Variants in NUS1 observed in about 807,000 individuals in gnomAD.
NUS1 encodes NUS1 dehydrodolichyl diphosphate synthase subunit.
For missense variants in NUS1, 292 were observed against 382.9 expected (o/e 0.76, Z 1.98); for synonymous variants, 135 against 155.2 (o/e 0.87, Z 0.97).
At chr6:117,676,678 A>C (rs1772987771) in intron 1 of NUS1, among the ~76,000 whole-genome samples, 1 of 152,266 alleles carries the variant, frequency 6.6e-6, no homozygotes, top group Non-Finnish European at 1.5e-5. Context: ...CCAAGGTTTA[A>C]AAACATTAAC....
chr6:117,682,241 A>G (rs1773071532), intron 1 of NUS1, among the ~76,000 whole-genome samples: 1 of 152,102 alleles, frequency 6.6e-6, no homozygotes, highest in Admixed American at 6.5e-5. Flanking sequence ...GCTTTTGTTA[A>G]CTTTTTAAAT....
At chr6:117,688,615 T>C (rs76622876) in intron 1 of NUS1, among the ~76,000 whole-genome samples, 9,779 of 152,246 alleles carry the variant, frequency 0.064, 359 homozygotes, top group African/African-American at 0.092. Context: ...CCTTTTAATT[T>C]ATTTTCTACC....
At chr6:117,695,125 C>G (rs1201687943) in intron 3 of NUS1, among the ~76,000 whole-genome samples, 4 of 127,092 alleles carry the variant, frequency 3.1e-5, no homozygotes, top group African/African-American at 1.2e-4. Context: ...GTTCAAGAGG[C>G]AGAGGTTGCA....
intron 1 of NUS1, among the ~76,000 whole-genome samples, chr6:117,684,189 A>G (rs1389259212): frequency 2.0e-5 from 3 of 152,228 alleles, no homozygotes; most frequent in Admixed American, 2.0e-4. Context: ...GCTGTTTTCC[A>G]TAGCAGTAGT....
chr6:117,687,255 G>C (rs1335981373), intron 1 of NUS1, among the ~76,000 whole-genome samples: 2 of 152,106 alleles, frequency 1.3e-5, no homozygotes, highest in African/African-American at 4.8e-5. Context: ...ATTCCATTCA[G>C]TGACATGTTC....
chr6:117,689,251 G>C (rs184172503), intron 1 of NUS1, among the ~76,000 whole-genome samples: 3 of 152,282 alleles, frequency 2.0e-5, no homozygotes, highest in Admixed American at 6.5e-5. Context: ...TGGTGATAAG[G>C]TTGTCATCCA....
rs1431777917 is a variant in NUS1 at position 117,676,006 on chromosome 6, C to T, written c.336C>T (p.Pro112=). The change falls in exon 1 of 5, where the codon CCC becomes CCT. Residue 112 remains proline, a synonymous_variant. Coordinates refer to ENST00000368494, the MANE Select transcript of NUS1 (RefSeq NM_138459.5). The stretch of plus-strand genomic sequence containing the variant: ...TGATCACCGAGGTGGAGCAGGAACC[C>T]AGCTTCTCGGACATCGCGAGCCTCG... ...GLVITEVEQE[P]SFSDIASLVV... 3.9e-6 allele frequency: 6 copies of T among 1,549,560 alleles called. No homozygotes were observed. Among genetic ancestry groups the T allele is most frequent in the African/African-American group, 1.4e-5 (1 of 73,002 alleles).
rs1773523664 is a variant in NUS1 at position 117,707,921 on chromosome 6, T to C, written c.*906T>C. 2 of 152,336 alleles carry C rather than the reference T, an allele frequency of 1.3e-5. No homozygotes were observed. Among genetic ancestry groups the C allele is most frequent in the Admixed American group, 1.3e-4 (2 of 15,282 alleles). 9.4% of individuals were successfully genotyped at this position (152,336 alleles called of 1,614,324 possible). A position where few individuals can be genotyped will look rare whatever the true frequency, so the allele number is the denominator to read the frequency against. ...GGAAAGAAAGTTTTATTTCCTTTTT[T>C]GTTTGATGGGCAGTATGCCATATTA... On this transcript the variant is annotated 3_prime_UTR_variant, in exon 5 of 5. Coordinates refer to ENST00000368494, the MANE Select transcript of NUS1 (RefSeq NM_138459.5).
Position 117,702,745 on chromosome 6 carries a change from A to G in NUS1, c.692-860A>G, listed in dbSNP as rs553024188. Among the ~76,000 whole-genome samples, 31 of 152,302 alleles carry G rather than the reference A, an allele frequency of 2.0e-4. No homozygotes were observed. In the South Asian group the frequency reaches 5.8e-3, roughly 28 times the overall value. On this transcript the variant is annotated intron_variant, in intron 3 of 4. Transcript: ENST00000368494. ...CTTTGTTATGGAAATAATTTTTTCA[A>G]TAGTACTGCTGGACAGGACTGCCTG...
intron 4 of NUS1, among the ~76,000 whole-genome samples, chr6:117,705,719 G>GGAGATGAGGTTGATTGAAGGGGT (rs1234837412): frequency 6.6e-6 from 1 of 152,122 alleles, no homozygotes; most frequent in East Asian, 1.9e-4. Context: ...AAGAGTCGTA[G>GGAGATGAGGTTGATTGAAGGGGT]GAGATGAGGT....
rs1772967652 is a variant in NUS1 at position 117,675,850 on chromosome 6, G to A, written c.180G>A (p.Pro60=). 1 of 1,537,990 alleles carries A rather than the reference G, an allele frequency of 6.5e-7. No homozygotes were observed. The highest frequency in any genetic ancestry group is 8.8e-7 in the Non-Finnish European group (1 of 1,142,336). The change falls in exon 1 of 5, where the codon CCG becomes CCA. Residue 60 remains proline, a synonymous_variant. Transcript: ENST00000368494. ...TCGGCTTCACGCTCCGCAAGCCCCC[G>A]GCAGTCGGCAGGAACCGCCGTCACC... is the stretch of plus-strand genomic sequence containing the variant. ...APLGFTLRKP[P]AVGRNRRHHR... is the part of the protein sequence containing the mutation.
intron 1 of NUS1, among the ~76,000 whole-genome samples, chr6:117,688,523 A>G (rs1002947860): frequency 6.6e-6 from 1 of 151,922 alleles, no homozygotes; most frequent in Non-Finnish European, 1.5e-5. Context: ...TACTACCCCT[A>G]TACATTTACT....
Position 117,675,939 on chromosome 6 carries a change from A to G in NUS1, c.269A>G (p.Asp90Gly). 1 of 1,545,102 alleles carries G rather than the reference A, an allele frequency of 6.5e-7. No homozygotes were observed. The highest frequency in any genetic ancestry group is 8.7e-7 in the Non-Finnish European group (1 of 1,143,732). ...AAHHRMRWRADGRSLEKLPVH... is the reference protein window; with the variant it reads ...AAHHRMRWRAGGRSLEKLPVH... ...CACCACCGGATGCGCTGGCGCGCGG[A>G]CGGTCGTTCCTTGGAGAAGCTGCCT... Residue 90 changes from aspartate (D) to glycine (G), a missense_variant, in exon 1 of 5, where the codon GAC (aspartate) becomes GGC (glycine). Transcript: ENST00000368494.
At chr6:117,693,814 A>G (rs1773278101) in intron 2 of NUS1, among the ~76,000 whole-genome samples, 1 of 152,230 alleles carries the variant, frequency 6.6e-6, no homozygotes, top group African/African-American at 2.4e-5. Context: ...AAGGCAGTGT[A>G]TAAATATATA....
chr6:117,679,073 C>T (rs1363633332), intron 1 of NUS1, among the ~76,000 whole-genome samples: 1 of 152,106 alleles, frequency 6.6e-6, no homozygotes, highest in Non-Finnish European at 1.5e-5. Context: ...TCGTAAATGC[C>T]ACTGGGATAC....
At chr6:117,699,008 C>T (rs1389982097) in intron 3 of NUS1, among the ~76,000 whole-genome samples, 1 of 152,042 alleles carries the variant, frequency 6.6e-6, no homozygotes. Context: ...CACGCTACAA[C>T]ATAATAAAAG....
At chr6:117,698,923 T>C (rs1162707142) in intron 3 of NUS1, among the ~76,000 whole-genome samples, 1 of 152,166 alleles carries the variant, frequency 6.6e-6, no homozygotes. Context: ...TCATTTCAAT[T>C]GATACTGAAG....
At chr6:117,680,656 T>G (rs1270309968) in intron 1 of NUS1, among the ~76,000 whole-genome samples, 1 of 152,210 alleles carries the variant, frequency 6.6e-6, no homozygotes, top group Non-Finnish European at 1.5e-5. Context: ...ACACTGAAGT[T>G]TAACCCTAAC....
At chr6:117,703,135 A>G (rs1773435231) in intron 3 of NUS1, among the ~76,000 whole-genome samples, 1 of 152,180 alleles carries the variant, frequency 6.6e-6, no homozygotes, top group Admixed American at 6.5e-5. Flanking sequence ...TAGCTGTAAA[A>G]TGAGGTGCAT....
Sources: gnomAD v4.1 joint callset for allele counts (sites outside exome capture counted in the v4.1 genomes callset) on GRCh38, gnomAD v4.1.1 for gene constraint, MANE v1.5 for transcripts, NCBI Gene and HGNC (gene_info 2026-07-23, HGNC 2026-07-21) for gene names.